Variants in ITFG1 observed in about 807,000 individuals in gnomAD.
ITFG1 encodes the protein integrin alpha FG-GAP repeat containing 1.
ITFG1 carries 34 observed loss-of-function variants against 81.8 expected under a neutral mutation model. That is an observed-to-expected ratio of 0.42 (90% CI 0.32 to 0.55). The LOEUF (loss-of-function observed/expected upper bound fraction) is 0.55, where lower values mean the gene tolerates loss of function less well. ITFG1 is among the 20% of genes least tolerant of loss of function. The probability of loss-of-function intolerance (pLI) is 0.17; values close to 1 mark genes in which losing one functional copy is unlikely to be tolerated. For missense variants in ITFG1, 672 were observed against 755.4 expected, an observed-to-expected ratio of 0.89 and a Z score of 1.29; for synonymous variants, 285 against 270.6, an observed-to-expected ratio of 1.05 and a Z score of -0.52.
At chr16:47,156,596 G>A (rs755785616) in intron 17 of ITFG1, among the ~76,000 whole-genome samples, 7 of 152,106 alleles carry the variant, frequency 4.6e-5, no homozygotes, top group Non-Finnish European at 7.4e-5. Flanking sequence ...TTGTATAACT[G>A]TAGTTCAAGA....
chr16:47,419,601 CTTTTTTT>C (rs34405979), intron 6 of ITFG1, among the ~76,000 whole-genome samples: 6 of 81,984 alleles, frequency 7.3e-5, no homozygotes, highest in Admixed American at 1.5e-4. Context: ...TACTTCAGGT[CTTTTTTT>C]TTTTTTTTTT....
intron 6 of ITFG1, among the ~76,000 whole-genome samples, chr16:47,386,191 T>A (rs1254307597): frequency 1.3e-5 from 2 of 152,066 alleles, no homozygotes; most frequent in Non-Finnish European, 2.9e-5. Flanking sequence ...TAAAAAAAAA[T>A]TTACAGTCTC....
rs80098089 is a variant in ITFG1, at chr16:47,420,512, T to C, written c.655+8292A>G. Among the ~76,000 whole-genome samples the C allele has an allele frequency of 7.1e-3, 1,088 of 152,312 alleles. 17 individuals are homozygous for C. Among genetic ancestry groups the C allele is most frequent in the African/African-American group, 0.025 (1,043 of 41,570 alleles). ...CACGTTGACATCTGATTCACAATGA[T>C]GGAGGTGGGCCTAAGAGGAAGCGTG... On this transcript the variant is annotated intron_variant, in intron 6 of 17. Coordinates refer to ENST00000320640, the MANE Select transcript of ITFG1 (RefSeq NM_030790.5).
At chr16:47,166,479 T>G (rs1964891266) in intron 14 of ITFG1, among the ~76,000 whole-genome samples, 1 of 152,216 alleles carries the variant, frequency 6.6e-6, no homozygotes, top group Non-Finnish European at 1.5e-5. Flanking sequence ...TTTCACTCAG[T>G]ATTATTTATG....
intron 10 of ITFG1, chr16:47,263,360 C>T: frequency 2.1e-6 from 1 of 481,256 alleles, no homozygotes; most frequent in East Asian, 6.4e-5. Flanking sequence ...GGTAAGCTAC[C>T]AAGCCATCTA....
At chr16:47,156,226 G>A (rs12051057) in intron 17 of ITFG1, among the ~76,000 whole-genome samples, 56,468 of 151,940 alleles carry the variant, frequency 0.37, 12,975 homozygotes, top group East Asian at 0.74. Context: ...AACTTGAGGT[G>A]AGGAATTCGA....
intron 12 of ITFG1, among the ~76,000 whole-genome samples, chr16:47,245,466 C>T (rs1965989629): frequency 2.0e-5 from 3 of 151,958 alleles, no homozygotes; most frequent in African/African-American, 7.3e-5. Context: ...GTGTATTTAC[C>T]CCTTCTTTTT....
intron 1 of ITFG1, 60 bp from the exon 2 acceptor site, chr16:47,459,235 G>T: frequency 8.8e-7 from 1 of 1,133,620 alleles, no homozygotes; most frequent in South Asian, 1.2e-5. Flanking sequence ...TCTAATCAGT[G>T]GTTACAAGAA....
chr16:47,281,478 T>C (rs985170944), intron 10 of ITFG1, among the ~76,000 whole-genome samples: 1 of 152,200 alleles, frequency 6.6e-6, no homozygotes, highest in Non-Finnish European at 1.5e-5. Context: ...AAAGGTTTCG[T>C]AGAATTTGTT....
At chr16:47,397,985 A>G (rs1434739252) in intron 6 of ITFG1, among the ~76,000 whole-genome samples, 3 of 152,176 alleles carry the variant, frequency 2.0e-5, no homozygotes, top group Non-Finnish European at 4.4e-5. Context: ...TTATCTTTTC[A>G]GTTTACAAGC....
chr16:47,222,754 T>C (rs564674306), intron 13 of ITFG1, among the ~76,000 whole-genome samples: 11 of 152,344 alleles, frequency 7.2e-5, no homozygotes, highest in Admixed American at 5.2e-4. Context: ...TTGATTGCAC[T>C]GTGGTCTGAG....
chr16:47,455,538 G>T (rs1396530894), intron 2 of ITFG1, among the ~76,000 whole-genome samples: 1 of 151,974 alleles, frequency 6.6e-6, no homozygotes, highest in Non-Finnish European at 1.5e-5. Context: ...GGAGGTGGAG[G>T]TGGGTGGATC....
chr16:47,414,645 T>G (rs570647747), intron 6 of ITFG1, among the ~76,000 whole-genome samples: 1 of 152,108 alleles, frequency 6.6e-6, no homozygotes, highest in Non-Finnish European at 1.5e-5. Flanking sequence ...TAAATCTGAA[T>G]TAAGAAAGAA....
chr16:47,457,322 A>G (rs1213417906), intron 2 of ITFG1, among the ~76,000 whole-genome samples: 1 of 152,014 alleles, frequency 6.6e-6, no homozygotes, highest in Admixed American at 6.6e-5. Flanking sequence ...AGAAAAAAAA[A>G]AAAAGAAAAA....
chr16:47,381,866 A>G (rs1968400548), intron 6 of ITFG1, among the ~76,000 whole-genome samples: 1 of 152,106 alleles, frequency 6.6e-6, no homozygotes, highest in Non-Finnish European at 1.5e-5. Flanking sequence ...TTGAAATGCT[A>G]TAAGGCATAA....
At chr16:47,189,697 G>A (rs976229024) in intron 14 of ITFG1, among the ~76,000 whole-genome samples, 2 of 152,100 alleles carry the variant, frequency 1.3e-5, no homozygotes, top group African/African-American at 4.8e-5. Flanking sequence ...CATGTTTTCT[G>A]TTCTCTTGGG....
Position 47,365,805 on chromosome 16 carries a change from G to T in ITFG1, c.785C>A (p.Ser262Ter), listed in dbSNP as rs370622306. Residue 262 changes from serine (S) to a stop codon, truncating the protein, a stop_gained, in exon 8 of 18, where the codon TCA (serine) becomes TAA (stop). Transcript: ENST00000320640. LOFTEE classifies it high-confidence loss of function. ...KPQNMMVVGQ[S>*]AFADFDGDGH... The stretch of plus-strand genomic sequence containing the variant: ...AATCTTACCAAAGTCTGCAAATGCT[G>T]ACTGTCCAACCACCATCATATTTTG... The T allele has an allele frequency of 1.3e-6, 2 of 1,580,484 alleles. No individual in the cohort carries two copies. Among genetic ancestry groups the T allele is most frequent in the South Asian group, 1.1e-5 (1 of 89,376 alleles).
At chr16:47,293,095 T>C (rs1596866424) in intron 10 of ITFG1, among the ~76,000 whole-genome samples, 1 of 147,238 alleles carries the variant, frequency 6.8e-6, no homozygotes, top group East Asian at 2.0e-4. Flanking sequence ...TGTATATATG[T>C]ATATACATAT....
chr16:47,292,586 G>T (rs996141994), intron 10 of ITFG1, among the ~76,000 whole-genome samples: 2 of 152,084 alleles, frequency 1.3e-5, no homozygotes, highest in East Asian at 1.9e-4. Context: ...GTAAAGTCTG[G>T]GACATTAGTG....
Sources: gnomAD v4.1 joint callset for allele counts (sites outside exome capture counted in the v4.1 genomes callset) on GRCh38, gnomAD v4.1.1 for gene constraint, MANE v1.5 for transcripts, NCBI Gene and HGNC (gene_info 2026-07-23, HGNC 2026-07-21) for gene names.